HMCN1: variants seen among roughly 807,000 people sequenced by gnomAD.
HMCN1 encodes the protein hemicentin-1.
HMCN1 carries 321 observed loss-of-function variants against 625.9 expected under a neutral mutation model. The ratio of observed to expected loss-of-function variants is 0.51; its 90% CI spans 0.47 to 0.56. The LOEUF (loss-of-function observed/expected upper bound fraction) is 0.56, where lower values mean the gene tolerates loss of function less well. Ranked by LOEUF, HMCN1 falls within the 20% of genes least tolerant of loss-of-function variation. The pLI, the probability that HMCN1 is intolerant of heterozygous loss-of-function variation, is 0.00. For missense variants in HMCN1, 6,588 were observed against 6,887.3 expected, an observed-to-expected ratio of 0.96 and a Z score of 1.54; for synonymous variants, 2,425 against 2,417.6, an observed-to-expected ratio of 1.00 and a Z score of -0.09.
intron 70 of HMCN1, 38 bp from the exon 71 acceptor site, chr1:186,108,423 A>G (rs1179568464): frequency 2.5e-6 from 4 of 1,614,000 alleles, no homozygotes; most frequent in South Asian, 1.1e-5. Context: ...ACCTATGATA[A>G]TACAGATTGC....
intron 1 of HMCN1, among the ~76,000 whole-genome samples, chr1:185,823,736 T>C (rs1189847589): frequency 6.6e-6 from 1 of 152,178 alleles, no homozygotes; most frequent in Admixed American, 6.5e-5. Context: ...CTGTGTGTCT[T>C]TCCTTATTTC....
At chr1:185,979,464 G>C (rs1349868314) in intron 16 of HMCN1, among the ~76,000 whole-genome samples, 1 of 152,114 alleles carries the variant, frequency 6.6e-6, no homozygotes, top group Non-Finnish European at 1.5e-5. Context: ...GAATAAAAGA[G>C]CTCAATATCT....
intron 11 of HMCN1, among the ~76,000 whole-genome samples, chr1:185,953,378 A>T (rs1649376675): frequency 6.6e-6 from 1 of 151,866 alleles, no homozygotes; most frequent in Admixed American, 6.6e-5. Context: ...ATGATCAGAG[A>T]GGCGTCCCTG....
intron 1 of HMCN1, among the ~76,000 whole-genome samples, chr1:185,793,641 G>A (rs994913486): frequency 1.2e-4 from 18 of 152,160 alleles, no homozygotes; most frequent in Admixed American, 1.1e-3. Flanking sequence ...TCGTTGAATT[G>A]TTTTAACTAA....
intron 30 of HMCN1, among the ~76,000 whole-genome samples, chr1:186,008,737 C>T (rs971269133): frequency 1.4e-4 from 21 of 152,022 alleles, no homozygotes; most frequent in African/African-American, 4.8e-4. Context: ...AGATACTTTA[C>T]GTGGATTATT....
chr1:185,989,668 G>T, intron 21 of HMCN1, 21 bp downstream of exon 21: 2 of 1,611,968 alleles, frequency 1.2e-6, no homozygotes, highest in African/African-American at 1.3e-5. Context: ...GTGGAGGAAT[G>T]GTTTTTATTG....
In HMCN1 at chr1:186,087,639, AGCTGAGGTGC is replaced by A; in HGVS notation, c.9358_9363+4del. ...ATGGACAAATGCTACACATTAAGAA[AGCTGAGGTGC>A]ATCTTTTATTCTTGTTTGAGTGTCA... is the stretch of plus-strand genomic sequence containing the variant. On this transcript the variant is annotated splice_donor_variant and splice_donor_region_variant and coding_sequence_variant and intron_variant, in exon 60 of 107. Transcript: ENST00000271588. LOFTEE classifies it high-confidence loss of function. 1 of 1,612,946 alleles carries A rather than the reference AGCTGAGGTGC, an allele frequency of 6.2e-7. No individual in the cohort carries two copies. Among genetic ancestry groups the A allele is most frequent in the South Asian group, 1.1e-5 (1 of 91,052 alleles).
chr1:185,995,094 C>G lies in HMCN1; in HGVS notation c.3778+7C>G, dbSNP rs777696196. The stretch of plus-strand genomic sequence containing the variant: ...ATAACGCTACATGTCCAAGGTGATT[C>G]TTGACACAGGAAAATATATGTATGT... On this transcript the variant is annotated splice_region_variant and intron_variant, in intron 24 of 106. Transcript: ENST00000271588. The G allele has an allele frequency of 3.7e-6, 6 of 1,612,772 alleles. No homozygotes were observed. The highest frequency in any genetic ancestry group is 5.1e-6 in the Non-Finnish European group (6 of 1,178,962).
At chr1:186,133,303 C>T (rs1347294067) in intron 86 of HMCN1, among the ~76,000 whole-genome samples, 1 of 152,160 alleles carries the variant, frequency 6.6e-6, no homozygotes, top group African/African-American at 2.4e-5. Flanking sequence ...ATTTATGGCA[C>T]TTTAAGATAT....
intron 35 of HMCN1, among the ~76,000 whole-genome samples, chr1:186,020,605 T>C (rs1039145004): frequency 2.0e-5 from 3 of 152,046 alleles, no homozygotes; most frequent in Non-Finnish European, 4.4e-5. Context: ...CCGTAATGAA[T>C]GATGCTAAGA....
chr1:185,742,131 C>T (rs901020612), intron 1 of HMCN1, among the ~76,000 whole-genome samples: 1 of 152,092 alleles, frequency 6.6e-6, no homozygotes, highest in Non-Finnish European at 1.5e-5. Context: ...TTTTCTTATT[C>T]TTGTCACTTC....
At chr1:186,038,153 A>T (rs533631755) in intron 37 of HMCN1, 118 bp downstream of exon 37, 3 of 717,608 alleles carry the variant, frequency 4.2e-6, no homozygotes, top group African/African-American at 1.8e-5. Flanking sequence ...AATACATTTC[A>T]TGGGTGAAAC....
intron 15 of HMCN1, among the ~76,000 whole-genome samples, chr1:185,975,888 A>G (rs1332895326): frequency 1.4e-5 from 2 of 141,152 alleles, no homozygotes; most frequent in East Asian, 3.9e-4. Flanking sequence ...TATGCACCAG[A>G]CACACACACA....
chr1:185,940,060 T>C (rs1668006410), intron 11 of HMCN1, among the ~76,000 whole-genome samples: 1 of 152,174 alleles, frequency 6.6e-6, no homozygotes, highest in African/African-American at 2.4e-5. Context: ...TTCTGTTAGG[T>C]ATAAAAATAT....
At chr1:185,963,736 A>G in intron 12 of HMCN1, 32 bp from the exon 13 acceptor site, 2 of 1,494,346 alleles carry the variant, frequency 1.3e-6, no homozygotes, top group Non-Finnish European at 1.9e-6. Flanking sequence ...TGGCATTTTC[A>G]ATTTTATATT....
At chr1:186,165,257 C>A in intron 98 of HMCN1, 84 bp downstream of exon 98, 1 of 1,122,430 alleles carries the variant, frequency 8.9e-7, no homozygotes, top group Non-Finnish European at 1.4e-6. Context: ...ATTGCCCTTT[C>A]ACTAGGTATT....
At chr1:185,946,697 T>C (rs2102522260) in intron 11 of HMCN1, among the ~76,000 whole-genome samples, 1 of 152,332 alleles carries the variant, frequency 6.6e-6, no homozygotes, top group Middle Eastern at 3.4e-3. Flanking sequence ...TGTCTTCACC[T>C]GCTTTGGCTA....
At chr1:186,057,514 A>C in intron 46 of HMCN1, 113 bp downstream of exon 46, 1 of 758,340 alleles carries the variant, frequency 1.3e-6, no homozygotes, top group Non-Finnish European at 2.3e-6. Flanking sequence ...CCTACTGCTT[A>C]CTGTAATATT....
chr1:185,794,627 T>A (rs1658244317), intron 1 of HMCN1, among the ~76,000 whole-genome samples: 1 of 129,624 alleles, frequency 7.7e-6, no homozygotes, highest in Admixed American at 8.0e-5. Flanking sequence ...TTTTTTTGCC[T>A]GCTTTATATT....
Sources: gnomAD v4.1 joint callset for allele counts (sites outside exome capture counted in the v4.1 genomes callset) on GRCh38, gnomAD v4.1.1 for gene constraint, MANE v1.5 for transcripts, NCBI Gene and HGNC (gene_info 2026-07-23, HGNC 2026-07-21) for gene names.